DACH1: variants seen among roughly 807,000 people sequenced by gnomAD.
DACH1 encodes dachshund family transcription factor 1, also known as dachshund homolog 1.
DACH1 carries 12 observed loss-of-function variants against 54.2 expected under a neutral mutation model. That is an observed-to-expected ratio of 0.22 (90% CI 0.14 to 0.36). DACH1 has a LOEUF of 0.36. Ranked by LOEUF, DACH1 falls within the 10% of genes least tolerant of loss-of-function variation. DACH1 has a pLI of 1.00. For missense variants in DACH1, 805 were observed against 929.8 expected (o/e 0.87, Z 1.75); for synonymous variants, 386 against 366.2 (o/e 1.05, Z -0.62).
At chr13:71,776,274 T>A (rs73525454) in intron 1 of DACH1, among the ~76,000 whole-genome samples, 493 of 152,228 alleles carry the variant, frequency 3.2e-3, no homozygotes, top group African/African-American at 0.011. Flanking sequence ...ATGAAGTCAC[T>A]TTTTACTGCT....
At chr13:71,712,059 T>A (rs1026410657) in intron 1 of DACH1, among the ~76,000 whole-genome samples, 4 of 151,850 alleles carry the variant, frequency 2.6e-5, no homozygotes, top group Non-Finnish European at 5.9e-5. Context: ...TTCTATGTAA[T>A]CCCCCCTTCA....
intron 6 of DACH1, among the ~76,000 whole-genome samples, chr13:71,493,446 C>T (rs1464374439): frequency 6.6e-6 from 1 of 152,102 alleles, no homozygotes; most frequent in Non-Finnish European, 1.5e-5. Context: ...GGAAGCTGTA[C>T]CTAGATTCTT....
At chr13:71,567,965 A>T (rs1331035) in intron 4 of DACH1, among the ~76,000 whole-genome samples, 4,033 of 152,164 alleles carry the variant, frequency 0.027, 60 homozygotes, top group Middle Eastern at 0.071. Flanking sequence ...GAATCAATTA[A>T]TAGAACATTT....
At chr13:71,632,322 A>C (rs1054828086) in intron 2 of DACH1, among the ~76,000 whole-genome samples, 4 of 152,036 alleles carry the variant, frequency 2.6e-5, no homozygotes, top group African/African-American at 9.7e-5. Flanking sequence ...GACATCCCTC[A>C]TCTGCAAAAT....
chr13:71,495,017 G>T, intron 6 of DACH1, among the ~76,000 whole-genome samples: 1 of 151,994 alleles, frequency 6.6e-6, no homozygotes, highest in African/African-American at 2.4e-5. Flanking sequence ...TAACTCAGTT[G>T]TTATTTTCAT....
Position 71,866,805 on chromosome 13 carries a change from G to A in DACH1, c.-36C>T, listed in dbSNP as rs370026620. ...AAGGGGAAACAGACGGAGGAGAAGC[G>A]AGAGGAAAAGTTGCCACACACCCCC... On this transcript the variant is annotated 5_prime_UTR_variant, in exon 1 of 11. Transcript: ENST00000613252. The A allele has an allele frequency of 8.8e-5, 113 of 1,281,760 alleles. No individual in the cohort carries two copies. Among genetic ancestry groups the A allele is most frequent in the Non-Finnish European group, 1.1e-4 (111 of 1,005,246 alleles). The allele number at this position is 1,281,760 out of a possible 1,614,324, so 79.4% of individuals were successfully genotyped here.
rs529846714 is a variant in DACH1, at chr13:71,643,882, T to C, written c.965-13165A>G. On this transcript the variant is annotated intron_variant, in intron 2 of 10. Transcript: ENST00000613252. ...AAAAAAAAGACAAAGAGAGATTGTC[T>C]TCGATCTCTTAACCAAAAATATATG... is the stretch of plus-strand genomic sequence containing the variant. 3.3e-5 allele frequency among the ~76,000 whole-genome samples: 5 copies of C among 152,284 alleles called. No individual in the cohort carries two copies. The East Asian group carries it at 9.6e-4, about 29-fold the overall frequency.
chr13:71,572,792 GTGGCTTAAGATGAACA>G (rs1885295611), intron 4 of DACH1, 32 bp downstream of exon 4: 7 of 1,557,212 alleles, frequency 4.5e-6, no homozygotes, highest in Non-Finnish European at 5.2e-6. Flanking sequence ...TTAAGGGATG[GTGGCTTAAGATGAACA>G]TGCCAAAATA....
intron 3 of DACH1, among the ~76,000 whole-genome samples, chr13:71,579,872 A>T (rs1311996685): frequency 3.3e-5 from 5 of 152,148 alleles, no homozygotes; most frequent in Non-Finnish European, 5.9e-5. Context: ...CCATGCTGTA[A>T]GTGTTAACCA....
intron 2 of DACH1, among the ~76,000 whole-genome samples, chr13:71,654,743 T>A (rs1334438037): frequency 6.6e-6 from 1 of 152,114 alleles, no homozygotes; most frequent in Non-Finnish European, 1.5e-5. Flanking sequence ...AAAATGCCAA[T>A]ATTTTGGCCA....
chr13:71,806,028 A>C (rs1887485226), intron 1 of DACH1, among the ~76,000 whole-genome samples: 1 of 152,118 alleles, frequency 6.6e-6, no homozygotes, highest in Non-Finnish European at 1.5e-5. Context: ...GCTAGTCTCG[A>C]ACTCCCGACC....
At chr13:71,610,515 TAAAG>T (rs1875243748) in intron 3 of DACH1, among the ~76,000 whole-genome samples, 1 of 152,148 alleles carries the variant, frequency 6.6e-6, no homozygotes, top group Non-Finnish European at 1.5e-5. Context: ...GCATAAATCT[TAAAG>T]AGAGAGCATC....
intron 6 of DACH1, among the ~76,000 whole-genome samples, chr13:71,500,842 A>G (rs1433555389): frequency 6.6e-6 from 1 of 152,026 alleles, no homozygotes; most frequent in Non-Finnish European, 1.5e-5. Context: ...TGCCCTACAA[A>G]TCATAGAATC....
chr13:71,499,925 A>G (rs530833536), intron 6 of DACH1, among the ~76,000 whole-genome samples: 2 of 152,216 alleles, frequency 1.3e-5, no homozygotes, highest in Non-Finnish European at 2.9e-5. Context: ...CAGTAATAGT[A>G]ATAGTAGATG....
intron 2 of DACH1, among the ~76,000 whole-genome samples, chr13:71,636,609 A>ATC: frequency 6.6e-6 from 1 of 150,486 alleles, no homozygotes; most frequent in Non-Finnish European, 1.5e-5. Flanking sequence ...ATGGATTGAG[A>ATC]AAGGTTTCTT....
chr13:71,794,961 T>A (rs1461746926), intron 1 of DACH1, among the ~76,000 whole-genome samples: 1 of 152,104 alleles, frequency 6.6e-6, no homozygotes, highest in Non-Finnish European at 1.5e-5. Context: ...ATAATATACA[T>A]AGAATATAGT....
At chr13:71,518,251 GA>G (rs1881307908) in intron 6 of DACH1, among the ~76,000 whole-genome samples, 1 of 151,686 alleles carries the variant, frequency 6.6e-6, no homozygotes. Flanking sequence ...ACAAAAAGAG[GA>G]AAAGGCATCA....
At chr13:71,592,513 A>AAGAAG (rs1873802211) in intron 3 of DACH1, among the ~76,000 whole-genome samples, 4 of 145,816 alleles carry the variant, frequency 2.7e-5, no homozygotes, top group Non-Finnish European at 6.0e-5. Flanking sequence ...AAAAAAAAAA[A>AAGAAG]AAAAGAAAAG....
rs955521286 is a variant in DACH1, at chr13:71,475,969, C to T, written c.1871-120G>A. ...TTGTTTTCCTGCTGAACTGAGTCTA[C>T]CTATAAAAAGAAAGTTCCAAAAATC... On this transcript the variant is annotated intron_variant, in intron 8 of 10. Coordinates refer to ENST00000613252, the MANE Select transcript of DACH1 (RefSeq NM_080759.6). 4 of 728,376 alleles carry T rather than the reference C, an allele frequency of 5.5e-6. No homozygotes were observed. The African/African-American group carries it at 7.4e-5, about 13-fold the overall frequency. The allele number at this position is 728,376 out of a possible 1,614,324, so 45.1% of individuals were successfully genotyped here.
Sources: allele counts gnomAD v4.1 joint callset (sites outside exome capture counted in the v4.1 genomes callset), GRCh38; gene constraint gnomAD v4.1.1; transcripts MANE v1.5; gene names NCBI Gene and HGNC (gene_info 2026-07-23, HGNC 2026-07-21).